CLEC16A: variants seen among roughly 807,000 people sequenced by gnomAD.
CLEC16A encodes protein CLEC16A.
In CLEC16A, 51 loss-of-function variants were observed where a neutral mutation model predicts 109.5. That is an observed-to-expected ratio of 0.47 (90% CI 0.37 to 0.59). The LOEUF (loss-of-function observed/expected upper bound fraction) is 0.59. Among genes scored for constraint, CLEC16A ranks in the 20% least tolerant of loss-of-function variants. The pLI is 0.00. For missense variants in CLEC16A, 1,339 were observed against 1,394.0 expected, an observed-to-expected ratio of 0.96 and a Z score of 0.63; for synonymous variants, 673 against 564.2, an observed-to-expected ratio of 1.19 and a Z score of -2.73.
At chr16:11,076,866 GGAGATCAGGAATCGAA>G (rs1379484740) in intron 19 of CLEC16A, among the ~76,000 whole-genome samples, 1 of 152,164 alleles carries the variant, frequency 6.6e-6, no homozygotes, top group African/African-American at 2.4e-5. Flanking sequence ...GGCCTGCTGG[GGAGATCAGGAATCGAA>G]GAATGGAGCA....
chr16:11,092,316 T>TCTG (rs1407107954), intron 19 of CLEC16A, among the ~76,000 whole-genome samples: 2 of 149,168 alleles, frequency 1.3e-5, no homozygotes, highest in Non-Finnish European at 3.0e-5. Context: ...TGCACTCCAG[T>TCTG]CTGGGCGATA....
rs371577498 is a variant in CLEC16A, at chr16:11,060,550, A to G, written c.1996-352A>G. 4.6e-5 allele frequency among the ~76,000 whole-genome samples: 7 copies of G among 152,258 alleles called. No individual in the cohort carries two copies. In the East Asian group the frequency reaches 5.8e-4, roughly 13 times the overall value. On this transcript the variant is annotated intron_variant, in intron 18 of 23. Transcript: ENST00000409790. ...CCTGGGCAGGTCACTTCACCTTCTT[A>G]GGTCTCAGCTGCCCGGTCTGTGAAA...
chr16:10,973,713 G>T (rs1204150981), intron 7 of CLEC16A, among the ~76,000 whole-genome samples: 1 of 151,180 alleles, frequency 6.6e-6, no homozygotes, highest in Non-Finnish European at 1.5e-5. Context: ...AGACCACCAG[G>T]CCTGTGCCAC....
At position 11,047,418 on chromosome 16, in the gene CLEC16A, G is replaced by A. The variant is rs191816065; in HGVS notation, c.1866+76G>A. The A allele has an allele frequency of 3.3e-5, 40 of 1,227,644 alleles. No individual in the cohort carries two copies. In the East Asian group the frequency reaches 9.5e-4, roughly 29 times the overall value. The allele number at this position is 1,227,644 out of a possible 1,614,324, so 76.0% of individuals were successfully genotyped here. On this transcript the variant is annotated intron_variant, in intron 17 of 23. Coordinates refer to ENST00000409790, the MANE Select transcript of CLEC16A (RefSeq NM_015226.3). ...CCAAGCTCCCCCTGCCCATCCCAGA[G>A]GGAGTTTTTTGACTTAGGGCTTTGT...
chr16:11,123,597 G>T (rs948368682), intron 20 of CLEC16A, 145 bp from the exon 21 acceptor site: 1 of 757,702 alleles, frequency 1.3e-6, no homozygotes, highest in African/African-American at 1.7e-5. Context: ...CCATGACTCT[G>T]TTGGACTTGG....
At chr16:10,980,683 C>G (rs1350125415) in intron 9 of CLEC16A, among the ~76,000 whole-genome samples, 2 of 152,222 alleles carry the variant, frequency 1.3e-5, no homozygotes, top group Non-Finnish European at 2.9e-5. Flanking sequence ...GTTTCAGTAT[C>G]TCACAGAAAA....
chr16:11,151,197 C>T (rs1404516177), intron 22 of CLEC16A, among the ~76,000 whole-genome samples: 1 of 152,210 alleles, frequency 6.6e-6, no homozygotes, highest in Non-Finnish European at 1.5e-5. Context: ...TTTCTACTAC[C>T]TTATGAAGCA....
intron 19 of CLEC16A, among the ~76,000 whole-genome samples, chr16:11,114,765 C>T (rs1180267341): frequency 3.3e-5 from 5 of 152,058 alleles, no homozygotes; most frequent in East Asian, 1.9e-4. Context: ...ATGATACTGG[C>T]GGGACCCACA....
At chr16:11,038,713 TTAA>T (rs1555465538) in intron 13 of CLEC16A, among the ~76,000 whole-genome samples, 2 of 152,232 alleles carry the variant, frequency 1.3e-5, no homozygotes, top group Non-Finnish European at 2.9e-5. Context: ...CCCTTGCCTC[TTAA>T]TGATAGATCT....
rs1467290039 is a variant in CLEC16A, at chr16:11,021,709, ATTGC to A, written c.1436+1388_1436+1391del. Among the ~76,000 whole-genome samples the A allele has an allele frequency of 2.0e-5, 3 of 152,114 alleles. No individual in the cohort carries two copies. The South Asian group carries it at 6.2e-4, about 32-fold the overall frequency. On this transcript the variant is annotated intron_variant, in intron 12 of 23. Coordinates refer to ENST00000409790, the MANE Select transcript of CLEC16A (RefSeq NM_015226.3). ...GCTACTTGAGAGGCTGAGGTGGGAG[ATTGC>A]TTGAGCCAGAGAGGTCAAGGCTGCA...
At chr16:11,071,792 C>T (rs996460539) in intron 19 of CLEC16A, among the ~76,000 whole-genome samples, 13 of 121,506 alleles carry the variant, frequency 1.1e-4, no homozygotes, top group African/African-American at 3.7e-4. Context: ...GATGAGGTTT[C>T]GCTGTGTTGC....
intron 2 of CLEC16A, 66 bp downstream of exon 2, chr16:10,957,976 T>C (rs2042070546): frequency 1.3e-6 from 2 of 1,490,266 alleles, no homozygotes; most frequent in South Asian, 1.2e-5. Flanking sequence ...AAATGTATAC[T>C]ATGAGTCATT....
At chr16:11,111,265 C>G (rs767346094) in intron 19 of CLEC16A, among the ~76,000 whole-genome samples, 23 of 152,134 alleles carry the variant, frequency 1.5e-4, no homozygotes, top group Non-Finnish European at 2.9e-4. Context: ...ATAATTTGCC[C>G]AGGGCTCAAT....
At chr16:11,077,964 CGTGTGT>C (rs34576806) in intron 19 of CLEC16A, among the ~76,000 whole-genome samples, 5,616 of 135,562 alleles carry the variant, frequency 0.041, 110 homozygotes, top group African/African-American at 0.046. Context: ...CAAAAAAAAA[CGTGTGT>C]GTGTGTGTGT....
chr16:11,034,701 G>C (rs1472682135), intron 13 of CLEC16A, among the ~76,000 whole-genome samples: 1 of 152,222 alleles, frequency 6.6e-6, no homozygotes, highest in African/African-American at 2.4e-5. Context: ...AAGCCAGAAT[G>C]AGCTAGTGCT....
At chr16:11,116,479 CG>C (rs2052002497) in intron 19 of CLEC16A, among the ~76,000 whole-genome samples, 1 of 151,938 alleles carries the variant, frequency 6.6e-6, no homozygotes, top group Non-Finnish European at 1.5e-5. Context: ...TGGCTGACTT[CG>C]GGGGTCATGT....
intron 23 of CLEC16A, among the ~76,000 whole-genome samples, chr16:11,176,992 A>C (rs2068774161): frequency 1.3e-5 from 2 of 152,178 alleles, no homozygotes; most frequent in Admixed American, 6.5e-5. Context: ...TTAAAAGAGA[A>C]AATAAAAAAC....
At chr16:11,165,879 G>A (rs952220645) in intron 22 of CLEC16A, among the ~76,000 whole-genome samples, 4 of 152,220 alleles carry the variant, frequency 2.6e-5, no homozygotes. Flanking sequence ...AGAACCTCAA[G>A]GGCAGAGCAA....
chr16:11,052,832 G>C (rs953400449), intron 18 of CLEC16A, among the ~76,000 whole-genome samples: 2 of 152,162 alleles, frequency 1.3e-5, no homozygotes, highest in Admixed American at 1.3e-4. Flanking sequence ...TGAGCCAGAA[G>C]GTCCAGAGGA....
Sources: allele counts gnomAD v4.1 joint callset (sites outside exome capture counted in the v4.1 genomes callset), GRCh38; gene constraint gnomAD v4.1.1; transcripts MANE v1.5; gene names NCBI Gene and HGNC (gene_info 2026-07-23, HGNC 2026-07-21).